Variants in FHIP1B observed in about 807,000 individuals in gnomAD.
FHIP1B encodes the protein FHF complex subunit HOOK-interacting protein 1B.
Under a neutral mutation model 82.2 loss-of-function variants are expected in FHIP1B, and 28 were observed. The ratio of observed to expected loss-of-function variants is 0.34; its 90% CI spans 0.25 to 0.47. FHIP1B has a LOEUF of 0.47. FHIP1B is among the 20% of genes least tolerant of loss of function. FHIP1B has a pLI of 1.00. For synonymous variants in FHIP1B, 585 were observed against 516.1 expected (o/e 1.13, Z -1.81); for missense variants, 1,110 against 1,262.6 (o/e 0.88, Z 1.83).
In FHIP1B at chr11:6,214,404, G is replaced by C; in HGVS notation, c.2557+7C>G. The C allele has an allele frequency of 6.2e-7, 1 of 1,602,994 alleles. No homozygotes were observed. The highest frequency in any genetic ancestry group is 8.5e-7 in the Non-Finnish European group (1 of 1,173,798). ...GGCAGGTACGGGTGTGGTGGGATAGGCCTCACCTAGGGGATCAGAACGGCG... is the reference window on the plus strand; with the variant it reads ...GGCAGGTACGGGTGTGGTGGGATAGCCCTCACCTAGGGGATCAGAACGGCG... On this transcript the variant is annotated splice_region_variant and intron_variant, in intron 11 of 11. Coordinates refer to ENST00000449352, the MANE Select transcript of FHIP1B (RefSeq NM_001098794.2).
chr11:6,223,908 T>C lies in FHIP1B; in HGVS notation c.479A>G (p.Asp160Gly). The C allele has an allele frequency of 6.2e-7, 1 of 1,614,200 alleles. No individual in the cohort carries two copies. The highest frequency in any genetic ancestry group is 8.5e-7 in the Non-Finnish European group (1 of 1,180,020). The change falls in exon 3 of 12, where the codon GAT becomes GGT. Residue 160 changes from aspartate to glycine, a missense_variant. Asp to Gly is a moderately conservative substitution (Grantham distance 94). This residue lies in a region of FHIP1B where 467 missense variants were observed against 602.9 expected (regional missense o/e 0.77). Coordinates refer to ENST00000449352, the MANE Select transcript of FHIP1B (RefSeq NM_001098794.2). This position sits in a 1 kb window ranked among gnomAD's most constrained non-coding sequence, Gnocchi z 4.8. ...PVREALLTLLDACGRPVPSSP... is the reference protein window; with the variant it reads ...PVREALLTLLGACGRPVPSSP... ...ACTGGGCACAGGGCGGCCACAGGCA[T>C]CCAGCAGGGTGAGCAGAGCCTCACG...
rs568484516 is a variant in FHIP1B at position 6,216,983 on chromosome 11, C to T, written c.2215+388G>A. Reference sequence around the variant, plus strand: ...AATGGCATAGAGAGTGTTTAGGTGCCTCTCCATACAGGACAGCACATACGT... The same window carrying T: ...AATGGCATAGAGAGTGTTTAGGTGCTTCTCCATACAGGACAGCACATACGT... On this transcript the variant is annotated intron_variant, in intron 9 of 11. Coordinates refer to ENST00000449352, the MANE Select transcript of FHIP1B (RefSeq NM_001098794.2). The T allele has an allele frequency of 7.7e-6, 5 of 650,200 alleles. No homozygotes were observed. The East Asian group carries it at 1.1e-4, about 14-fold the overall frequency. The allele number at this position is 650,200 out of a possible 1,614,324, so 40.3% of individuals were successfully genotyped here.
Position 6,222,577 on chromosome 11 carries a change from G to A in FHIP1B, c.1056C>T (p.Ala352=). The A allele has an allele frequency of 6.2e-7, 1 of 1,614,138 alleles. No individual in the cohort carries two copies. The highest frequency in any genetic ancestry group is 8.5e-7 in the Non-Finnish European group (1 of 1,180,030). The part of the protein sequence containing the change: ...TSVEEMIAST[A]YLELFLRSIS... ...TACTCCGTAGGAAAAGTTCCAGATA[G>A]GCGGTACTGGCGATCATCTCCTCCA... The change falls in exon 6 of 12, where the codon GCC becomes GCT. Residue 352 remains alanine (A), a synonymous_variant. Transcript: ENST00000449352.
At position 6,214,395 on chromosome 11, in the gene FHIP1B, G is replaced by A. The variant is rs755984775; in HGVS notation, c.2557+16C>T. 1 of 1,593,774 alleles carries A rather than the reference G, an allele frequency of 6.3e-7. No homozygotes were observed. Among genetic ancestry groups the A allele is most frequent in the South Asian group, 1.1e-5 (1 of 89,306 alleles). ...TCTAGGGAGGGCAGGTACGGGTGTG[G>A]TGGGATAGGCCTCACCTAGGGGATC... On this transcript the variant is annotated intron_variant, in intron 11 of 11. Transcript: ENST00000449352.
Position 6,214,355 on chromosome 11 carries a change from T to C in FHIP1B, c.2557+56A>G, listed in dbSNP as rs571280262. The C allele has an allele frequency of 8.3e-5, 125 of 1,513,198 alleles. No individual in the cohort carries two copies. In the African/African-American group the frequency reaches 1.3e-3, roughly 16 times the overall value. The allele number at this position is 1,513,198 out of a possible 1,614,324, so 93.7% of individuals were successfully genotyped here. On this transcript the variant is annotated intron_variant, in intron 11 of 11. Transcript: ENST00000449352. ...ACTCTTAATAAGAGCTCAATTAACC[T>C]GGGTTAATAGGCTATCTAGGGAGGG...
At chr11:6,218,202 A>G (rs1285194593) in intron 8 of FHIP1B, 52 bp from the exon 9 acceptor site, 10 of 1,559,654 alleles carry the variant, frequency 6.4e-6, no homozygotes, top group Non-Finnish European at 8.7e-6. Flanking sequence ...GTTCAGAAGG[A>G]GAGATAAGAC....
Position 6,217,501 on chromosome 11 carries a change from G to A in FHIP1B, c.2085C>T (p.Pro695=). The A allele has an allele frequency of 1.2e-6, 2 of 1,612,878 alleles. No homozygotes were observed. The highest frequency in any genetic ancestry group is 1.3e-5 in the African/African-American group (1 of 74,998). The change falls in exon 9 of 12, where the codon CCC becomes CCT. Residue 695 remains proline, a synonymous_variant. Coordinates refer to ENST00000449352, the MANE Select transcript of FHIP1B (RefSeq NM_001098794.2). ...CCTCAAGGGGCAGTGGAGGTTCTAA[G>A]GGGGACTCTGAGCCAGTTCCCCCAT... ...LSNGGTGSES[P]LEPPLPLEEE...
Position 6,224,426 on chromosome 11 carries a change from C to T in FHIP1B, c.91G>A (p.Ala31Thr), listed in dbSNP as rs780215134. The T allele has an allele frequency of 3.1e-6, 5 of 1,614,222 alleles. No homozygotes were observed. The highest frequency in any genetic ancestry group is 4.2e-6 in the Non-Finnish European group (5 of 1,180,036). ...ACCATGAGGCAGGTCTCGGGATCAG[C>T]CATGACTGGGGTTTGGAGATTGGCC... Reference protein sequence around the residue: ...QGANLQTPVMADPETCLMVFK... With the variant: ...QGANLQTPVMTDPETCLMVFK... The change falls in exon 2 of 12, where the codon GCT becomes ACT. Residue 31 changes from alanine (A) to threonine (T), a missense_variant. By Grantham distance (58) the Ala-to-Thr change is moderately conservative. Transcript: ENST00000449352.
Position 6,215,823 on chromosome 11 carries a change from G to A in FHIP1B, c.2216-912C>T, listed in dbSNP as rs147522149. On this transcript the variant is annotated intron_variant, in intron 9 of 11. Transcript: ENST00000449352. Reference sequence around the variant, plus strand: ...CTGATTAGGGATTTTTTTGGGGAAAGGGAGTATATATCTAAGAACTGTACT... The same window carrying A: ...CTGATTAGGGATTTTTTTGGGGAAAAGGAGTATATATCTAAGAACTGTACT... Among the ~76,000 whole-genome samples, 337 of 152,280 alleles carry A rather than the reference G, an allele frequency of 2.2e-3. 3 individuals are homozygous for A. Among genetic ancestry groups the A allele is most frequent in the Non-Finnish European group, 3.8e-3 (256 of 68,024 alleles).
chr11:6,219,381 TGTGATTGA>T (rs1371592355), intron 6 of FHIP1B, among the ~76,000 whole-genome samples: 1 of 152,190 alleles, frequency 6.6e-6, no homozygotes, highest in African/African-American at 2.4e-5. Context: ...TAAGAAATAC[TGTGATTGA>T]GTGAATGACT....
chr11:6,220,771 G>T (rs1847384652), intron 6 of FHIP1B, among the ~76,000 whole-genome samples: 1 of 152,034 alleles, frequency 6.6e-6, no homozygotes, highest in South Asian at 2.1e-4. Context: ...TAGTGAGTAA[G>T]AATCAAAGTT....
rs1258993360 is a variant in FHIP1B, at chr11:6,218,751, T to C, written c.1284A>G (p.Pro428=). 11 of 1,613,850 alleles carry C rather than the reference T, an allele frequency of 6.8e-6. No individual in the cohort carries two copies. In the African/African-American group the frequency reaches 9.4e-5, roughly 14 times the overall value. Residue 428 remains proline (P), a synonymous_variant, in exon 8 of 12, where the codon CCA becomes CCG. Transcript: ENST00000449352. ...TCTGGCTCAGCATAACGTGGTTACA[T>C]GGAACAAGATACCTGAGAAAGACAT... ...LLQLVLRYLV[P]CNHVMLSQKP...
chr11:6,212,491 A>G (rs1455559247), intron 11 of FHIP1B, among the ~76,000 whole-genome samples: 1 of 152,160 alleles, frequency 6.6e-6, no homozygotes, highest in Non-Finnish European at 1.5e-5. Flanking sequence ...TATGCTCTTC[A>G]CCATTCACCA....
At chr11:6,217,319 C>A in intron 9 of FHIP1B, 52 bp downstream of exon 9, 1 of 1,531,812 alleles carries the variant, frequency 6.5e-7, no homozygotes, top group South Asian at 1.1e-5. Context: ...ACAAACATGT[C>A]GAGAACATGC....
Position 6,223,531 on chromosome 11 carries a change from T to C in FHIP1B, c.777+79A>G. The stretch of plus-strand genomic sequence containing the variant: ...GGGGAACGGGCCCTGGAACATAGCC[T>C]CTCCCCATCTCCTGGATAGGAAGGT... On this transcript the variant is annotated intron_variant, in intron 3 of 11. Coordinates refer to ENST00000449352, the MANE Select transcript of FHIP1B (RefSeq NM_001098794.2). The surrounding 1 kb of genome is among the most constrained non-coding windows in gnomAD (Gnocchi z 4.8). 1 of 1,483,692 alleles carries C rather than the reference T, an allele frequency of 6.7e-7. No individual in the cohort carries two copies. Among genetic ancestry groups the C allele is most frequent in the East Asian group, 2.3e-5 (1 of 43,992 alleles). 91.9% of individuals were successfully genotyped at this position (1,483,692 alleles called of 1,614,324 possible).
rs1321936353 is a variant in FHIP1B, at chr11:6,223,782, G to A, written c.605C>T (p.Pro202Leu). The A allele has an allele frequency of 1.2e-6, 2 of 1,614,246 alleles. No homozygotes were observed. Among genetic ancestry groups the A allele is most frequent in the Non-Finnish European group, 1.7e-6 (2 of 1,180,038 alleles). The change falls in exon 3 of 12, where the codon CCT (proline) becomes CTT (leucine). Residue 202 changes from proline to leucine, a missense_variant. Transcript: ENST00000449352. This position sits in a 1 kb window ranked among gnomAD's most constrained non-coding sequence, Gnocchi z 4.8. ...SLLEFFLQPP[P>L]EPGAAPRLLL... ...AAGACGGGGAGCGGCTCCAGGCTCA[G>A]GAGGTGGCTGCAGGAAGAACTCGAG... is the stretch of plus-strand genomic sequence containing the variant.
In FHIP1B at chr11:6,211,794, C is replaced by T. The variant is rs773167298; in HGVS notation, c.2631G>A (p.Ala877=). 1.4e-5 allele frequency: 23 copies of T among 1,613,266 alleles called. No individual in the cohort carries two copies. Among genetic ancestry groups the T allele is most frequent in the South Asian group, 6.6e-5 (6 of 90,964 alleles). ...GCCCAGGCTGAAGGACCAATTGTGC[C>T]GCCTGCCGGGCCCTGGTTGGACTGT... ...HAHSPTRARQ[A]AQLVLQPGRD... is the part of the protein sequence containing the mutation. Residue 877 remains alanine (A), a synonymous_variant, in exon 12 of 12, where the codon GCG becomes GCA. Coordinates refer to ENST00000449352, the MANE Select transcript of FHIP1B (RefSeq NM_001098794.2).
chr11:6,219,870 A>G (rs1034359824), intron 6 of FHIP1B, among the ~76,000 whole-genome samples: 2 of 152,234 alleles, frequency 1.3e-5, no homozygotes, highest in Non-Finnish European at 2.9e-5. Context: ...ATTATTTGCT[A>G]CATGACCACG....
intron 1 of FHIP1B, among the ~76,000 whole-genome samples, chr11:6,225,974 T>C (rs571870595): frequency 1.3e-5 from 2 of 152,186 alleles, no homozygotes; most frequent in South Asian, 4.1e-4. Flanking sequence ...ACCAAGTAGC[T>C]ATTGGAGAAG....
Sources: gnomAD v4.1 joint callset for allele counts (sites outside exome capture counted in the v4.1 genomes callset) on GRCh38, gnomAD v4.1.1 for gene constraint, gnomAD v4.1.1 regional missense constraint, Gnocchi (gnomAD v3.1) non-coding constraint, MANE v1.5 for transcripts, NCBI Gene and HGNC (gene_info 2026-07-23, HGNC 2026-07-21) for gene names.